DDX21: variants seen among roughly 807,000 people sequenced by gnomAD.
DDX21 encodes the protein DExD-box helicase 21, also known as nucleolar RNA helicase 2.
DDX21 carries 18 observed loss-of-function variants against 90.0 expected under a neutral mutation model. The observed-to-expected ratio is 0.20, with a 90% CI of 0.14 to 0.30. The LOEUF (loss-of-function observed/expected upper bound fraction) is 0.30, where lower values mean the gene tolerates loss of function less well. Ranked by LOEUF, DDX21 falls within the 10% of genes least tolerant of loss-of-function variation. The pLI is 1.00. For missense variants in DDX21, 673 were observed against 944.5 expected, an observed-to-expected ratio of 0.71 and a Z score of 3.77; for synonymous variants, 294 against 318.0, an observed-to-expected ratio of 0.92 and a Z score of 0.80.
At chr10:68,981,033 A>G (rs920704417) in intron 13 of DDX21, among the ~76,000 whole-genome samples, 18 of 152,212 alleles carry the variant, frequency 1.2e-4, no homozygotes, top group African/African-American at 4.3e-4. Flanking sequence ...AAAACCAGAA[A>G]ATCAACAATA....
At chr10:68,958,536 A>G (rs1212882382) in intron 1 of DDX21, among the ~76,000 whole-genome samples, 3 of 151,902 alleles carry the variant, frequency 2.0e-5, no homozygotes, top group Non-Finnish European at 4.4e-5. Flanking sequence ...TCCCGGGTTC[A>G]AGCAGTTCTC....
intron 9 of DDX21, among the ~76,000 whole-genome samples, chr10:68,973,150 A>G (rs1291314096): frequency 6.6e-6 from 1 of 152,096 alleles, no homozygotes; most frequent in African/African-American, 2.4e-5. Flanking sequence ...AGCTGAGATC[A>G]TGCCACTGCA....
chr10:68,964,857 G>T (rs1047046219), intron 4 of DDX21, among the ~76,000 whole-genome samples: 6 of 151,614 alleles, frequency 4.0e-5, no homozygotes, highest in Admixed American at 6.6e-5. Flanking sequence ...TCACCATGTT[G>T]GCCAGGCTGG....
intron 3 of DDX21, 58 bp from the exon 4 acceptor site, chr10:68,963,233 A>T: frequency 6.6e-7 from 1 of 1,515,834 alleles, no homozygotes; most frequent in South Asian, 1.3e-5. Context: ...TCAGTATGTC[A>T]GTATGGCTAA....
chr10:68,971,746 C>A, intron 8 of DDX21, 145 bp from the exon 9 acceptor site: 3 of 689,516 alleles, frequency 4.4e-6, no homozygotes, highest in African/African-American at 1.8e-5. Context: ...GAGGCTTATC[C>A]ATTCAAGACA....
At chr10:68,970,955 ATTTTTT>A (rs56314802) in intron 8 of DDX21, among the ~76,000 whole-genome samples, 3 of 72,520 alleles carry the variant, frequency 4.1e-5, no homozygotes, top group South Asian at 6.0e-4. Context: ...GCCCAGCCTA[ATTTTTT>A]TTTTTTTTTT....
intron 1 of DDX21, among the ~76,000 whole-genome samples, chr10:68,957,461 CT>C (rs1164854166): frequency 1.3e-5 from 2 of 152,154 alleles, no homozygotes; most frequent in Non-Finnish European, 2.9e-5. Context: ...TTGTACGCTA[CT>C]TAGAATTAAC....
At chr10:68,957,056 TGTG>T (rs1196927912) in intron 1 of DDX21, among the ~76,000 whole-genome samples, 1 of 142,058 alleles carries the variant, frequency 7.0e-6, no homozygotes, top group Non-Finnish European at 1.5e-5. Context: ...AAAAAAAAAA[TGTG>T]GGCACTGGAG....
chr10:68,974,046 C>G (rs976288788), intron 10 of DDX21, among the ~76,000 whole-genome samples: 1 of 152,180 alleles, frequency 6.6e-6, no homozygotes, highest in Non-Finnish European at 1.5e-5. Flanking sequence ...ATTCTTGCCC[C>G]TTCAGGAGCT....
Position 68,974,626 on chromosome 10 carries a change from A to AT in DDX21, c.1669-42dup, listed in dbSNP as rs758559991. 2.6e-5 allele frequency: 40 copies of AT among 1,533,910 alleles called. 1 individual carries two copies. The South Asian group carries it at 4.3e-4, about 17-fold the overall frequency. On this transcript the variant is annotated intron_variant, in intron 10 of 14. Coordinates refer to ENST00000354185, the MANE Select transcript of DDX21 (RefSeq NM_004728.4). ...GGGACTGCTTATCTTATTGGAAACA[A>AT]TTGATGGCCACTGTACATTAAACTG... is the stretch of plus-strand genomic sequence containing the variant.
rs369327222 is a variant in DDX21 at position 68,977,671 on chromosome 10, T to A, written c.1885T>A (p.Leu629Met). 1.2e-6 allele frequency: 2 copies of A among 1,612,174 alleles called. No individual in the cohort carries two copies. The highest frequency in any genetic ancestry group is 8.5e-7 in the Non-Finnish European group (1 of 1,178,840). Reference protein sequence around the residue: ...SGATSVDQRSLINSNVGFVTM... With the variant: ...SGATSVDQRSMINSNVGFVTM... ...TGCCACGTCCGTAGACCAGCGCTCC[T>A]TGATCAACTCAAATGTGGTAAGGTT... The change falls in exon 12 of 15, where the codon TTG becomes ATG. Residue 629 changes from leucine to methionine, a missense_variant. Leu to Met is a conservative substitution (Grantham distance 15). Around this residue, in one of 4 missense-constraint regions of DDX21, gnomAD observed 225 missense variants for 298.8 expected, o/e 0.75. Coordinates refer to ENST00000354185, the MANE Select transcript of DDX21 (RefSeq NM_004728.4).
Position 68,972,019 on chromosome 10 carries a change from G to T in DDX21, c.1515G>T (p.Glu505Asp), listed in dbSNP as rs781271055. 8 of 1,613,986 alleles carry T rather than the reference G, an allele frequency of 5.0e-6. No homozygotes were observed. The highest frequency in any genetic ancestry group is 1.7e-5 in the Admixed American group (1 of 59,992). Residue 505 changes from glutamate (E) to aspartate (D), a missense_variant, in exon 9 of 15, where the codon GAG becomes GAT. Glu to Asp is a conservative substitution (Grantham distance 45). This residue lies in a region of DDX21 where 26 missense variants were observed against 76.9 expected (regional missense o/e 0.34). Coordinates refer to ENST00000354185, the MANE Select transcript of DDX21 (RefSeq NM_004728.4). ...NVAARGLDIP[E>D]VDLVIQSSPP... ...CTGCACGTGGGTTAGACATCCCTGAGGTTGATTTGGTTATACAAAGCTCTC... is the reference window on the plus strand; with the variant it reads ...CTGCACGTGGGTTAGACATCCCTGATGTTGATTTGGTTATACAAAGCTCTC...
rs967868525 is a variant in DDX21, at chr10:68,960,233, A to G, written c.515A>G (p.Asn172Ser). ...AGTGAAGCTGCCAGTGAAGAAAGTAACAGTGAGATAGAGCAGGTACATTTG... is the reference window on the plus strand; with the variant it reads ...AGTGAAGCTGCCAGTGAAGAAAGTAGCAGTGAGATAGAGCAGGTACATTTG... The part of the protein sequence containing the change: ...NPSEAASEES[N>S]SEIEQEIPVE... Residue 172 changes from asparagine (N) to serine (S), a missense_variant, in exon 2 of 15, where the codon AAC (asparagine) becomes AGC (serine). By Grantham distance (46) the Asn-to-Ser change is conservative. Coordinates refer to ENST00000354185, the MANE Select transcript of DDX21 (RefSeq NM_004728.4). 12 of 1,604,380 alleles carry G rather than the reference A, an allele frequency of 7.5e-6. No individual in the cohort carries two copies. The Admixed American group carries it at 1.4e-4, about 19-fold the overall frequency.
intron 6 of DDX21, 81 bp downstream of exon 6, chr10:68,967,284 A>G (rs772368185): frequency 9.7e-6 from 13 of 1,333,766 alleles, no homozygotes; most frequent in Middle Eastern, 1.9e-4. Flanking sequence ...AGTGACTCTC[A>G]TGCCTCAGCC....
Position 68,982,614 on chromosome 10 carries a change from G to A in DDX21, c.2154G>A (p.Arg718=). 2 of 1,614,124 alleles carry A rather than the reference G, an allele frequency of 1.2e-6. No homozygotes were observed. The highest frequency in any genetic ancestry group is 1.7e-6 in the Non-Finnish European group (2 of 1,180,034). ...ATEQPELEGP[R]EGYGGFRGQR... is the part of the protein sequence containing the mutation. ...AGCAACCAGAACTGGAAGGACCACG[G>A]GAAGGATATGGAGGCTTCAGGGGAC... Residue 718 remains arginine, a synonymous_variant, in exon 15 of 15, where the codon CGG becomes CGA. Coordinates refer to ENST00000354185, the MANE Select transcript of DDX21 (RefSeq NM_004728.4).
At chr10:68,967,281 C>G (rs1842952300) in intron 6 of DDX21, 78 bp downstream of exon 6, 1 of 1,412,036 alleles carries the variant, frequency 7.1e-7, no homozygotes, top group Non-Finnish European at 9.6e-7. Context: ...TCAAGTGACT[C>G]TCATGCCTCA....
At position 68,978,875 on chromosome 10, in the gene DDX21, G is replaced by A; in HGVS notation, c.1936G>A (p.Glu646Lys). ...GACCATGATCTTGCAGTGCTCAATT[G>A]AAATGCCAAATATTAGTTATGCTTG... ...FVTMILQCSI[E>K]MPNISYAWKE... The change falls in exon 13 of 15, where the codon GAA becomes AAA. Residue 646 changes from glutamate to lysine, a missense_variant. Around this residue, in one of 4 missense-constraint regions of DDX21, gnomAD observed 225 missense variants for 298.8 expected, o/e 0.75. Coordinates refer to ENST00000354185, the MANE Select transcript of DDX21 (RefSeq NM_004728.4). The A allele has an allele frequency of 6.2e-7, 1 of 1,614,078 alleles. No individual in the cohort carries two copies. The highest frequency in any genetic ancestry group is 1.3e-5 in the African/African-American group (1 of 75,048).
At chr10:68,977,923 C>G (rs1843126859) in intron 12 of DDX21, among the ~76,000 whole-genome samples, 1 of 151,518 alleles carries the variant, frequency 6.6e-6, no homozygotes, top group Admixed American at 6.6e-5. Context: ...GCCTGGGCAA[C>G]CTAGTGATAC....
intron 11 of DDX21, among the ~76,000 whole-genome samples, chr10:68,976,562 T>G (rs1218321947): frequency 6.6e-6 from 1 of 152,154 alleles, no homozygotes; most frequent in African/African-American, 2.4e-5. Flanking sequence ...GCTGGGATTA[T>G]AGGCGTGAGC....
Sources: allele counts gnomAD v4.1 joint callset (sites outside exome capture counted in the v4.1 genomes callset), GRCh38; gene constraint gnomAD v4.1.1; regional missense constraint gnomAD v4.1.1; transcripts MANE v1.5; gene names NCBI Gene and HGNC (gene_info 2026-07-23, HGNC 2026-07-21).